Variants in RSU1 observed in about 807,000 individuals in gnomAD.
RSU1 encodes the protein Ras suppressor protein 1, also known as rsu-1.
RSU1 carries 26 observed loss-of-function variants against 31.1 expected under a neutral mutation model. The observed-to-expected ratio is 0.84, with a 90% confidence interval of 0.61 to 1.16. The LOEUF is 1.16. RSU1 is among the 50% of genes most tolerant of loss of function. RSU1 has a pLI of 0.00. For synonymous variants in RSU1, 164 were observed against 136.3 expected, an observed-to-expected ratio of 1.20 and a Z score of -1.41; for missense variants, 320 against 339.1, an observed-to-expected ratio of 0.94 and a Z score of 0.44.
At chr10:16,707,988 T>A (rs574232509) in intron 7 of RSU1, among the ~76,000 whole-genome samples, 4 of 152,176 alleles carry the variant, frequency 2.6e-5, no homozygotes, top group African/African-American at 9.7e-5. Flanking sequence ...TTCCTTAATG[T>A]GTGTTCTTGC....
chr10:16,598,751 C>A (rs1833662868), intron 8 of RSU1, among the ~76,000 whole-genome samples: 1 of 152,184 alleles, frequency 6.6e-6, no homozygotes, highest in Non-Finnish European at 1.5e-5. Context: ...GACTTCTGAC[C>A]TCCAGAACTG....
At chr10:16,637,023 T>A (rs1224269954) in intron 8 of RSU1, among the ~76,000 whole-genome samples, 1 of 152,176 alleles carries the variant, frequency 6.6e-6, no homozygotes, top group East Asian at 1.9e-4. Flanking sequence ...AATGAATGAA[T>A]AATAAAAAAA....
At chr10:16,814,711 A>G (rs1487714114) in intron 2 of RSU1, among the ~76,000 whole-genome samples, 1 of 152,092 alleles carries the variant, frequency 6.6e-6, no homozygotes, top group African/African-American at 2.4e-5. Context: ...CTCCAAATTC[A>G]CTTCCACCCA....
chr10:16,613,798 T>TAA (rs778805311), intron 8 of RSU1, among the ~76,000 whole-genome samples: 9 of 136,502 alleles, frequency 6.6e-5, no homozygotes, highest in Admixed American at 7.3e-5. Context: ...TACAGCTCTT[T>TAA]AAAAAAAAAA....
chr10:16,700,049 C>T (rs1295787201), intron 7 of RSU1, among the ~76,000 whole-genome samples: 1 of 152,142 alleles, frequency 6.6e-6, no homozygotes, highest in Admixed American at 6.5e-5. Flanking sequence ...ATTGCAGCCC[C>T]ATTAATAAGC....
chr10:16,751,356 G>A (rs1836975802), intron 7 of RSU1, among the ~76,000 whole-genome samples: 1 of 152,164 alleles, frequency 6.6e-6, no homozygotes, highest in Non-Finnish European at 1.5e-5. Flanking sequence ...ACACTAGCAA[G>A]AGAGCTAAGG....
intron 8 of RSU1, among the ~76,000 whole-genome samples, chr10:16,612,562 T>G (rs1177220512): frequency 6.6e-6 from 1 of 152,236 alleles, no homozygotes; most frequent in Non-Finnish European, 1.5e-5. Context: ...TTCTCGAATC[T>G]GTTCAGATGG....
intron 8 of RSU1, among the ~76,000 whole-genome samples, chr10:16,613,061 G>T (rs1833920494): frequency 1.3e-5 from 2 of 152,060 alleles, no homozygotes; most frequent in Non-Finnish European, 2.9e-5. Flanking sequence ...TCAACACCCA[G>T]AATAATGTTT....
chr10:16,618,915 G>A (rs942672322), intron 8 of RSU1, among the ~76,000 whole-genome samples: 3 of 152,118 alleles, frequency 2.0e-5, no homozygotes, highest in Non-Finnish European at 2.9e-5. Context: ...CATAGGTGTG[G>A]CAAATCACCA....
chr10:16,615,695 C>T (rs1833963635), intron 8 of RSU1, among the ~76,000 whole-genome samples: 1 of 152,190 alleles, frequency 6.6e-6, no homozygotes, highest in Admixed American at 6.5e-5. Context: ...GACCACAGTG[C>T]AATCAAATTA....
intron 7 of RSU1, among the ~76,000 whole-genome samples, chr10:16,731,421 C>T (rs1836509718): frequency 2.8e-5 from 4 of 141,576 alleles, no homozygotes; most frequent in Admixed American, 2.7e-4. Flanking sequence ...AAGAGCGACA[C>T]TCCGTCTCAA....
At chr10:16,691,032 A>G (rs972440901) in intron 8 of RSU1, among the ~76,000 whole-genome samples, 1 of 152,212 alleles carries the variant, frequency 6.6e-6, no homozygotes, top group South Asian at 2.1e-4. Context: ...TAGGAACTAT[A>G]ATAAGTTTTA....
chr10:16,637,058 C>T (rs1013349265), intron 8 of RSU1, among the ~76,000 whole-genome samples: 3 of 152,204 alleles, frequency 2.0e-5, no homozygotes, highest in Non-Finnish European at 4.4e-5. Context: ...TTGAGTGGAA[C>T]ATGTTCCTTT....
At chr10:16,607,399 A>G (rs1301186219) in intron 8 of RSU1, among the ~76,000 whole-genome samples, 1 of 152,226 alleles carries the variant, frequency 6.6e-6, no homozygotes, top group African/African-American at 2.4e-5. Flanking sequence ...AAAGCTGGAC[A>G]TCACGTTTAA....
chr10:16,658,661 T>C (rs927625559), intron 8 of RSU1, among the ~76,000 whole-genome samples: 1 of 152,036 alleles, frequency 6.6e-6, no homozygotes, highest in African/African-American at 2.4e-5. Context: ...GAGGTGGAGG[T>C]TGCAGTAAGC....
intron 2 of RSU1, among the ~76,000 whole-genome samples, chr10:16,809,462 C>G (rs114713291): frequency 7.9e-5 from 12 of 152,236 alleles, no homozygotes; most frequent in Non-Finnish European, 1.6e-4. Context: ...GGAGATGAGA[C>G]GAGCTGTGTC....
chr10:16,624,283 G>A (rs1834119631), intron 8 of RSU1, among the ~76,000 whole-genome samples: 1 of 152,102 alleles, frequency 6.6e-6, no homozygotes, highest in Non-Finnish European at 1.5e-5. Context: ...ACTGAGAGCT[G>A]AAGGGCTGGA....
intron 8 of RSU1, among the ~76,000 whole-genome samples, chr10:16,634,156 A>G (rs187305137): frequency 1.3e-3 from 192 of 152,342 alleles, no homozygotes; most frequent in Non-Finnish European, 8.8e-4. Context: ...AGAAAGATTT[A>G]TAGCAAGGCT....
intron 8 of RSU1, among the ~76,000 whole-genome samples, chr10:16,602,471 C>G (rs1245107758): frequency 6.6e-6 from 1 of 152,206 alleles, no homozygotes; most frequent in African/African-American, 2.4e-5. Flanking sequence ...ACTCTGAAAG[C>G]ACTAAGTTAC....
Sources: allele counts gnomAD v4.1 joint callset (sites outside exome capture counted in the v4.1 genomes callset), GRCh38; gene constraint gnomAD v4.1.1; transcripts MANE v1.5; gene names NCBI Gene and HGNC (gene_info 2026-07-23, HGNC 2026-07-21).